Variants in XKR9 observed in about 807,000 individuals in gnomAD.
XKR9 encodes XK related 9, also known as XK-related protein 9.
XKR9 carries 32 observed loss-of-function variants against 32.0 expected under a neutral mutation model. That is an observed-to-expected ratio of 1.00 (90% CI 0.76 to 1.34). The LOEUF is 1.34. Ranked by LOEUF, XKR9 falls within the 40% of genes most tolerant of loss-of-function variation. The pLI is 0.00. For synonymous variants in XKR9, 168 were observed against 143.4 expected (o/e 1.17, Z -1.22); for missense variants, 546 against 429.7 (o/e 1.27, Z -2.39).
the XKR9 span, among the ~76,000 whole-genome samples, chr8:70,859,452 T>C: frequency 2.6e-5 from 4 of 152,154 alleles, no homozygotes; most frequent in African/African-American, 9.6e-5. Flanking sequence ...GTATGGAGGT[T>C]CCTCAAAAAA....
intron 2 of XKR9, among the ~76,000 whole-genome samples, chr8:70,775,659 G>A (rs551326676): frequency 6.6e-6 from 1 of 151,872 alleles, no homozygotes; most frequent in Admixed American, 6.6e-5. Flanking sequence ...TGGACATGAT[G>A]TATTATACCT....
chr8:70,698,873 A>T (rs1422964222), intron 3 of XKR9, among the ~76,000 whole-genome samples: 3 of 152,100 alleles, frequency 2.0e-5, no homozygotes, highest in Non-Finnish European at 2.9e-5. Flanking sequence ...GTGCTCCTGT[A>T]TTGGGTGCAT....
At chr8:70,960,250 A>T in the XKR9 span, among the ~76,000 whole-genome samples, 9,048 of 75,944 alleles carry the variant, frequency 0.12, 381 homozygotes, top group Non-Finnish European at 0.22. Flanking sequence ...CGTCCCCCCC[A>T]AAAAAAAAAA....
At chr8:70,819,898 T>C in the XKR9 span, among the ~76,000 whole-genome samples, 1 of 152,216 alleles carries the variant, frequency 6.6e-6, no homozygotes, top group Non-Finnish European at 1.5e-5. Flanking sequence ...AAGTGAATTT[T>C]AAGCATGACA....
chr8:70,899,508 C>G, the XKR9 span, among the ~76,000 whole-genome samples: 1 of 151,044 alleles, frequency 6.6e-6, no homozygotes, highest in African/African-American at 2.4e-5. Flanking sequence ...CTTGTTAGTA[C>G]AAGCTGGATG....
the XKR9 span, among the ~76,000 whole-genome samples, chr8:71,058,113 G>A: frequency 8.5e-5 from 13 of 152,214 alleles, no homozygotes; most frequent in Middle Eastern, 0.014. Flanking sequence ...CCCGGGAGGC[G>A]GAGCTTGCAG....
At chr8:70,872,062 C>G in the XKR9 span, among the ~76,000 whole-genome samples, 8 of 152,222 alleles carry the variant, frequency 5.3e-5, no homozygotes, top group South Asian at 1.7e-3. Context: ...GGAACTAGGT[C>G]TCTTGTGCCA....
chr8:71,058,130 G>C, the XKR9 span, among the ~76,000 whole-genome samples: 1 of 151,994 alleles, frequency 6.6e-6, no homozygotes, highest in East Asian at 1.9e-4. Flanking sequence ...GCAGTGAGCC[G>C]AGATCGCGCC....
At chr8:70,841,590 T>A in the XKR9 span, among the ~76,000 whole-genome samples, 1 of 152,158 alleles carries the variant, frequency 6.6e-6, no homozygotes, top group African/African-American at 2.4e-5. Context: ...TCTCTCTAGG[T>A]TCTGTTAATC....
chr8:70,702,202 A>G (rs918209966), intron 3 of XKR9, among the ~76,000 whole-genome samples: 1 of 152,132 alleles, frequency 6.6e-6, no homozygotes, highest in African/African-American at 2.4e-5. Context: ...AAACTTTAGG[A>G]TAAATTTTAC....
intron 3 of XKR9, among the ~76,000 whole-genome samples, chr8:70,690,164 G>A (rs201564658): frequency 2.0e-5 from 3 of 152,014 alleles, no homozygotes; most frequent in African/African-American, 7.2e-5. Flanking sequence ...AGATAAACAC[G>A]TGTCATGGGG....
the XKR9 span, among the ~76,000 whole-genome samples, chr8:70,966,260 T>A: frequency 6.6e-6 from 1 of 152,104 alleles, no homozygotes; most frequent in African/African-American, 2.4e-5. Flanking sequence ...TTTCTTTTTT[T>A]TCTTTTGAGA....
the XKR9 span, among the ~76,000 whole-genome samples, chr8:70,988,718 T>C: frequency 6.6e-6 from 1 of 152,238 alleles, no homozygotes; most frequent in Non-Finnish European, 1.5e-5. Context: ...GTTTTAAGTG[T>C]GCAGTTCAAT....
chr8:70,926,753 T>C, the XKR9 span, among the ~76,000 whole-genome samples: 2 of 152,118 alleles, frequency 1.3e-5, no homozygotes, highest in Non-Finnish European at 2.9e-5. Flanking sequence ...CTTGTGAAAA[T>C]AGAGAGAAAC....
chr8:70,904,309 G>T, the XKR9 span, among the ~76,000 whole-genome samples: 1 of 152,116 alleles, frequency 6.6e-6, no homozygotes, highest in Admixed American at 6.5e-5. Context: ...CCTGTATTGG[G>T]TGCATGTATA....
chr8:70,783,887 G>A (rs768487426), intron 2 of XKR9, among the ~76,000 whole-genome samples: 1 of 152,136 alleles, frequency 6.6e-6, no homozygotes, highest in Non-Finnish European at 1.5e-5. Flanking sequence ...TTTTGTATAT[G>A]ATTTGAGATA....
chr8:70,761,480 CAT>C (rs914515456), intron 2 of XKR9, among the ~76,000 whole-genome samples: 64 of 152,196 alleles, frequency 4.2e-4, no homozygotes, highest in East Asian at 1.9e-4. Flanking sequence ...CTTTTTTTCA[CAT>C]GATTGTTGTT....
At chr8:71,024,017 G>T in the XKR9 span, among the ~76,000 whole-genome samples, 1 of 152,264 alleles carries the variant, frequency 6.6e-6, no homozygotes, top group African/African-American at 2.4e-5. Flanking sequence ...CATGTCTCCA[G>T]CTGGCATGCT....
At chr8:70,897,776 T>C in the XKR9 span, among the ~76,000 whole-genome samples, 1 of 152,202 alleles carries the variant, frequency 6.6e-6, no homozygotes, top group Non-Finnish European at 1.5e-5. Context: ...ATTACTCCTT[T>C]GTCAGATGAA....
Sources: allele counts gnomAD v4.1 joint callset (sites outside exome capture counted in the v4.1 genomes callset), GRCh38; gene constraint gnomAD v4.1.1; transcripts MANE v1.5; gene names NCBI Gene and HGNC (gene_info 2026-07-23, HGNC 2026-07-21).